RBPJL: variants seen among roughly 807,000 people sequenced by gnomAD.
The protein encoded by RBPJL is recombining binding protein suppressor of hairless-like protein.
In RBPJL, 50 loss-of-function variants were observed where a neutral mutation model predicts 57.6. That is an observed-to-expected ratio of 0.87 (90% CI 0.69 to 1.10). RBPJL has a LOEUF of 1.10. Among genes scored for constraint, RBPJL ranks in the 50% least tolerant of loss-of-function variants. RBPJL has a pLI of 0.00. For synonymous variants in RBPJL, 303 were observed against 294.4 expected (o/e 1.03, Z -0.30); for missense variants, 684 against 693.7 (o/e 0.99, Z 0.16).
chr20:45,309,507 C>A, intron 2 of RBPJL, 60 bp from the exon 3 acceptor site: 2 of 1,543,920 alleles, frequency 1.3e-6, no homozygotes, highest in Non-Finnish European at 1.7e-6. Context: ...TGCTTGGACC[C>A]TGTGCCACCT....
rs759699328 is a variant in RBPJL at position 45,309,616 on chromosome 20, C to A, written c.181C>A (p.Leu61Met). The change falls in exon 3 of 12, where the codon CTG becomes ATG. Residue 61 changes from leucine to methionine, a missense_variant. Leu to Met is a conservative substitution (Grantham distance 15, BLOSUM62 2). Transcript: ENST00000343694. ...TILRGGVRRC[L>M]QQQCEQTVRI... ...TCTGAGGGGAGGCGTGCGCAGGTGC[C>A]TGCAGCAACAGTGTGAACAGACTGT... The A allele has an allele frequency of 6.2e-7, 1 of 1,613,290 alleles. No individual in the cohort carries two copies. Among genetic ancestry groups the A allele is most frequent in the Admixed American group, 1.7e-5 (1 of 59,922 alleles).
At position 45,316,537 on chromosome 20, in the gene RBPJL, C is replaced by T. The variant is rs1204109244; in HGVS notation, c.1237C>T (p.Leu413Phe). 1.3e-6 allele frequency: 2 copies of T among 1,540,220 alleles called. No homozygotes were observed. Among genetic ancestry groups the T allele is most frequent in the Non-Finnish European group, 8.7e-7 (1 of 1,143,838 alleles). The change falls in exon 11 of 12, where the codon CTC (leucine) becomes TTC (phenylalanine). Residue 413 changes from leucine to phenylalanine, a missense_variant. Physicochemically the swap from Leu to Phe is conservative, Grantham distance 22 (BLOSUM62 0). Transcript: ENST00000343694. ...ELHGENFHAG[L>F]KVWFGDVEAE... ...CCACGGAGAGAACTTCCACGCGGGG[C>T]TCAAGGTGTGGTTTGGGGACGTGGA...
At chr20:45,316,058 A>G in intron 9 of RBPJL, 129 bp from the exon 10 acceptor site, 1 of 798,988 alleles carries the variant, frequency 1.3e-6, no homozygotes, top group Non-Finnish European at 2.0e-6. Context: ...CTGAGGGGAC[A>G]AGTGAACCCC....
chr20:45,313,147 T>A (rs1987274598), intron 6 of RBPJL, among the ~76,000 whole-genome samples: 1 of 152,178 alleles, frequency 6.6e-6, no homozygotes, highest in Non-Finnish European at 1.5e-5. Context: ...CCAGTGTATC[T>A]AGGCCTGTGG....
At chr20:45,311,999 C>A in intron 5 of RBPJL, 45 bp downstream of exon 5, 1 of 1,476,628 alleles carries the variant, frequency 6.8e-7, no homozygotes, top group Non-Finnish European at 9.3e-7. Context: ...CCCATCCCTG[C>A]CTCTCCTGGG....
chr20:45,309,693 G>T lies in RBPJL; in HGVS notation c.257+1G>T, dbSNP rs142817914. The T allele has an allele frequency of 1.9e-6, 3 of 1,613,380 alleles. No homozygotes were observed. Among genetic ancestry groups the T allele is most frequent in the Non-Finnish European group, 2.5e-6 (3 of 1,179,728 alleles). On this transcript the variant is annotated splice_donor_variant, in intron 3 of 11. Transcript: ENST00000343694. LOFTEE classifies it high-confidence loss of function. ...AGAAATCATACGGAAATGAGAAGCGGTAGGTGCCTCCGCAGCCCCTCCCAG... is the reference window on the plus strand; with the variant it reads ...AGAAATCATACGGAAATGAGAAGCGTTAGGTGCCTCCGCAGCCCCTCCCAG...
Position 45,314,097 on chromosome 20 carries a change from CT to C in RBPJL, c.821del (p.Leu274ArgfsTer16). The part of the protein sequence containing the change: ...PREGYVRYGS[L>X]VQLVCTVTGI... ...AGAGGGCTACGTTCGCTATGGCTCCCTGGTGCAGCTCGTCTGCACGGTCACC... is the reference window on the plus strand; with the variant it reads ...AGAGGGCTACGTTCGCTATGGCTCCCGGTGCAGCTCGTCTGCACGGTCACC... On this transcript the variant is annotated frameshift_variant, in exon 8 of 12. Coordinates refer to ENST00000343694, the MANE Select transcript of RBPJL (RefSeq NM_014276.4). LOFTEE classifies it high-confidence loss of function. 1.2e-6 allele frequency: 2 copies of C among 1,614,244 alleles called. No individual in the cohort carries two copies. The highest frequency in any genetic ancestry group is 1.7e-6 in the Non-Finnish European group (2 of 1,180,032).
In RBPJL at chr20:45,308,205, C is replaced by A. The variant is rs1986908609; in HGVS notation, c.85C>A (p.Leu29Met). 6.2e-7 allele frequency: 1 copy of A among 1,613,978 alleles called. No individual in the cohort carries two copies. The highest frequency in any genetic ancestry group is 1.3e-5 in the African/African-American group (1 of 74,930). ...LSLQDRSEMQLQSEADRRSLP... is the reference protein window; with the variant it reads ...LSLQDRSEMQMQSEADRRSLP... Reference sequence around the variant, plus strand: ...CCTGCAGGACAGATCAGAGATGCAGCTGCAGAGCGAAGCCGACAGGCGGAG... The same window carrying A: ...CCTGCAGGACAGATCAGAGATGCAGATGCAGAGCGAAGCCGACAGGCGGAG... The change falls in exon 2 of 12, where the codon CTG becomes ATG. Residue 29 changes from leucine to methionine, a missense_variant. Coordinates refer to ENST00000343694, the MANE Select transcript of RBPJL (RefSeq NM_014276.4).
chr20:45,312,784 G>T (rs1987250496), intron 6 of RBPJL, among the ~76,000 whole-genome samples: 2 of 143,792 alleles, frequency 1.4e-5, no homozygotes, highest in Non-Finnish European at 3.0e-5. Context: ...GATCCCAGAA[G>T]TTCAAGACTA....
chr20:45,312,098 G>A (rs1405341111), intron 5 of RBPJL, 123 bp from the exon 6 acceptor site: 22 of 1,510,396 alleles, frequency 1.5e-5, no homozygotes, highest in African/African-American at 1.2e-4. Context: ...CCGAGCCTGA[G>A]AGCCTGGATG....
At chr20:45,309,081 C>T (rs1021172438) in intron 2 of RBPJL, among the ~76,000 whole-genome samples, 32 of 152,120 alleles carry the variant, frequency 2.1e-4, no homozygotes, top group African/African-American at 6.7e-4. Flanking sequence ...GGCTAGAGAG[C>T]GCTCCAGGCC....
chr20:45,317,094 C>G lies in RBPJL; in HGVS notation c.*135C>G. 8.8e-7 allele frequency: 1 copy of G among 1,140,858 alleles called. No homozygotes were observed. The highest frequency in any genetic ancestry group is 1.2e-6 in the Non-Finnish European group (1 of 812,564). 70.7% of individuals were successfully genotyped at this position (1,140,858 alleles called of 1,614,324 possible). Reference sequence around the variant, plus strand: ...GGCAGCTGAAGGCTCACCCTAGAAACCGGGCCTGGTGGGTCTTACCCGGCT... The same window carrying G: ...GGCAGCTGAAGGCTCACCCTAGAAAGCGGGCCTGGTGGGTCTTACCCGGCT... On this transcript the variant is annotated 3_prime_UTR_variant, in exon 12 of 12. Coordinates refer to ENST00000343694, the MANE Select transcript of RBPJL (RefSeq NM_014276.4).
In RBPJL at chr20:45,312,827, CAAAAAA is replaced by C. The variant is rs749039599; in HGVS notation, c.619+446_619+451del. Among the ~76,000 whole-genome samples the C allele has an allele frequency of 5.0e-3, 425 of 84,784 alleles. 2 individuals carry two copies. Among genetic ancestry groups the C allele is most frequent in the African/African-American group, 0.016 (399 of 25,078 alleles). The allele number at this position is 84,784 out of a possible 152,430, so 55.6% of individuals were successfully genotyped here. On this transcript the variant is annotated intron_variant, in intron 6 of 11. Transcript: ENST00000343694. ...CAACATGGCGAAATCTTGTCTGTACCAAAAAAAAAAAAAAAAAAAGAAAAAGAAAAA... is the reference window on the plus strand; with the variant it reads ...CAACATGGCGAAATCTTGTCTGTACCAAAAAAAAAAAAAGAAAAAGAAAAA...
chr20:45,308,353 G>A (rs1323160369), intron 2 of RBPJL, 102 bp downstream of exon 2: 2 of 769,486 alleles, frequency 2.6e-6, no homozygotes, highest in South Asian at 1.5e-5. Flanking sequence ...GGTGGGGAGG[G>A]GAAGTGCAGG....
In RBPJL at chr20:45,314,488, T is replaced by C; in HGVS notation, c.943T>C (p.Phe315Leu). Residue 315 changes from phenylalanine to leucine, a missense_variant, in exon 9 of 12, where the codon TTC (phenylalanine) becomes CTC (leucine). By Grantham distance (22) the Phe-to-Leu change is conservative. Coordinates refer to ENST00000343694, the MANE Select transcript of RBPJL (RefSeq NM_014276.4). ...CATCTCCCAGCTGCACAAGTGTGCA[T>C]TCCAGTTTCCAGGCAGTCCCCCAGG... is the stretch of plus-strand genomic sequence containing the variant. The part of the protein sequence containing the change: ...EPISQLHKCA[F>L]QFPGSPPGGG... The C allele has an allele frequency of 6.2e-7, 1 of 1,614,190 alleles. No homozygotes were observed. The highest frequency in any genetic ancestry group is 1.1e-5 in the South Asian group (1 of 91,078).
intron 3 of RBPJL, among the ~76,000 whole-genome samples, chr20:45,310,326 G>C (rs1987096124): frequency 6.6e-6 from 1 of 152,156 alleles, no homozygotes; most frequent in African/African-American, 2.4e-5. Flanking sequence ...GAACAGAAGG[G>C]CCGGGCGCGA....
At chr20:45,308,588 G>A (rs1437904886) in intron 2 of RBPJL, 5 of 310,700 alleles carry the variant, frequency 1.6e-5, no homozygotes, top group Non-Finnish European at 3.1e-5. Context: ...GCCCCAAGGG[G>A]TGGAGCGGTC....
chr20:45,308,255 A>ACGGCGG lies in RBPJL; in HGVS notation c.131+7_131+12dup. On this transcript the variant is annotated splice_donor_region_variant and intron_variant, in intron 2 of 11. Coordinates refer to ENST00000343694, the MANE Select transcript of RBPJL (RefSeq NM_014276.4). ...GCCTCCCGGGCACTTGGACCAGGTA[A>ACGGCGG]CGGCGGCGTGGCAGCGTGCCCTAGG... is the stretch of plus-strand genomic sequence containing the variant. The ACGGCGG allele has an allele frequency of 6.2e-7, 1 of 1,602,266 alleles. No homozygotes were observed. Among genetic ancestry groups the ACGGCGG allele is most frequent in the Middle Eastern group, 1.7e-4 (1 of 6,022 alleles).
At chr20:45,309,421 C>T (rs1987022147) in intron 2 of RBPJL, 146 bp from the exon 3 acceptor site, 2 of 764,728 alleles carry the variant, frequency 2.6e-6, no homozygotes, top group East Asian at 3.2e-5. Context: ...CCTGACCCCA[C>T]AGGGGCAGGA....
Sources: allele counts gnomAD v4.1 joint callset (sites outside exome capture counted in the v4.1 genomes callset), GRCh38; gene constraint gnomAD v4.1.1; transcripts MANE v1.5; gene names NCBI Gene and HGNC (gene_info 2026-07-23, HGNC 2026-07-21).